CATSPERD: variants seen among roughly 807,000 people sequenced by gnomAD.
CATSPERD encodes cation channel sperm-associated auxiliary subunit delta.
A neutral mutation model predicts 98.1 loss-of-function variants in CATSPERD; 86 were observed. That is an observed-to-expected ratio of 0.88 (90% CI 0.74 to 1.05). The LOEUF (loss-of-function observed/expected upper bound fraction) is 1.05, where lower values mean the gene tolerates loss of function less well. CATSPERD is among the 50% of genes least tolerant of loss of function. The pLI is 0.00. For synonymous variants in CATSPERD, 394 were observed against 390.2 expected (o/e 1.01, Z -0.12); for missense variants, 995 against 1,005.7 (o/e 0.99, Z 0.14).
intron 17 of CATSPERD, among the ~76,000 whole-genome samples, chr19:5,767,523 T>A (rs532214788): frequency 2.6e-5 from 4 of 151,392 alleles, no homozygotes; most frequent in African/African-American, 9.7e-5. Flanking sequence ...AGTCTTGCTC[T>A]GTCGCCCAGG....
Position 5,729,876 on chromosome 19 carries a change from C to T in CATSPERD, c.208C>T (p.Gln70Ter), listed in dbSNP as rs752771602. 6.4e-7 allele frequency: 1 copy of T among 1,572,332 alleles called. No individual in the cohort carries two copies. Among genetic ancestry groups the T allele is most frequent in the South Asian group, 1.2e-5 (1 of 86,908 alleles). Residue 70 changes from glutamine to a stop codon, truncating the protein, a stop_gained, in exon 4 of 22, where the codon CAA (glutamine) becomes TAA (stop). Transcript: ENST00000381624. LOFTEE classifies it high-confidence loss of function. Reference sequence around the variant, plus strand: ...CTTATTTATTGTTTATTTCAGGAAACAAGTTTTTTTCACAATGGATAACTT... The same window carrying T: ...CTTATTTATTGTTTATTTCAGGAAATAAGTTTTTTTCACAATGGATAACTT... The part of the protein sequence containing the change: ...EKNIALYLGK[Q>*]VFFTMDNFET...
intron 7 of CATSPERD, among the ~76,000 whole-genome samples, chr19:5,742,121 T>TGTGTGTGC (rs1193593584): frequency 6.7e-6 from 1 of 150,336 alleles, no homozygotes; most frequent in Non-Finnish European, 1.5e-5. Flanking sequence ...AAATAGCGTT[T>TGTGTGTGC]GTGTGTGCGT....
At chr19:5,747,351 A>G (rs753591186) in intron 9 of CATSPERD, among the ~76,000 whole-genome samples, 9 of 151,044 alleles carry the variant, frequency 6.0e-5, no homozygotes, top group Non-Finnish European at 1.3e-4. Flanking sequence ...TATTTTTTGT[A>G]GAGACGGGGT....
intron 15 of CATSPERD, among the ~76,000 whole-genome samples, chr19:5,762,873 A>G (rs1271249334): frequency 6.7e-6 from 1 of 150,220 alleles, no homozygotes; most frequent in Admixed American, 6.7e-5. Context: ...GGTGGATGGA[A>G]TGGATGGATA....
In CATSPERD at chr19:5,751,662, A is replaced by C. The variant is rs772180116; in HGVS notation, c.1003A>C (p.Ile335Leu). 1 of 1,598,002 alleles carries C rather than the reference A, an allele frequency of 6.3e-7. No individual in the cohort carries two copies. Among genetic ancestry groups the C allele is most frequent in the Non-Finnish European group, 8.5e-7 (1 of 1,170,360 alleles). ...TTCTTCTTAGTTTGCAGACCAATAC[A>C]TCTGGTCAGAAGACGTGGCCCTGAT... ...SSIIKFADQY[I>L]WSEDVALMFR... is the part of the protein sequence containing the mutation. The change falls in exon 12 of 22, where the codon ATC (isoleucine) becomes CTC (leucine). Residue 335 changes from isoleucine to leucine, a missense_variant. Transcript: ENST00000381624.
chr19:5,765,836 G>A (rs1171189800), intron 16 of CATSPERD, among the ~76,000 whole-genome samples: 1 of 151,888 alleles, frequency 6.6e-6, no homozygotes, highest in Non-Finnish European at 1.5e-5. Flanking sequence ...TTAATTAAAA[G>A]AAAAAGTTAA....
chr19:5,763,375 G>GGCGACCA, intron 16 of CATSPERD, 82 bp downstream of exon 16: 1 of 1,127,392 alleles, frequency 8.9e-7, no homozygotes, highest in Admixed American at 1.8e-5. Context: ...GTTGCAATGA[G>GGCGACCA]CTGAGATAGT....
rs151289026 is a variant in CATSPERD, at chr19:5,775,303, G to A, written c.1942-858G>A. The A allele has an allele frequency of 3.5e-3, 1,651 of 471,062 alleles. 3 individuals carry two copies. The highest frequency in any genetic ancestry group is 4.7e-3 in the Non-Finnish European group (1,062 of 226,896). The allele number at this position is 471,062 out of a possible 1,614,324, so 29.2% of individuals were successfully genotyped here. A position where few individuals can be genotyped will look rare whatever the true frequency, so the allele number is the denominator to read the frequency against. Reference sequence around the variant, plus strand: ...TCCCCGCTTCTAGTGAGTAAAGGCAGTCCCTCAAGCTTCCACAGACCTGCG... The same window carrying A: ...TCCCCGCTTCTAGTGAGTAAAGGCAATCCCTCAAGCTTCCACAGACCTGCG... On this transcript the variant is annotated intron_variant, in intron 20 of 21. Coordinates refer to ENST00000381624, the MANE Select transcript of CATSPERD (RefSeq NM_152784.4).
At chr19:5,778,274 C>A in intron 21 of CATSPERD, 102 bp from the exon 22 acceptor site, 1 of 1,012,416 alleles carries the variant, frequency 9.9e-7, no homozygotes, top group Non-Finnish European at 1.5e-6. Context: ...CTGCTGTGGG[C>A]CTGGTTCTCC....
rs1223677117 is a variant in CATSPERD, at chr19:5,727,353, C to A, written c.203+9C>A. On this transcript the variant is annotated intron_variant, in intron 3 of 21. Transcript: ENST00000381624. ...ATAGCACTATATCTAGGGTAAGTGG[C>A]AATTTTATGTACTGTTACCTTCCTT... The A allele has an allele frequency of 6.4e-7, 1 of 1,560,128 alleles. No homozygotes were observed. The highest frequency in any genetic ancestry group is 1.7e-5 in the Admixed American group (1 of 59,766).
chr19:5,768,276 C>T, intron 18 of CATSPERD, 34 bp downstream of exon 18: 1 of 1,582,390 alleles, frequency 6.3e-7, no homozygotes, highest in African/African-American at 1.3e-5. Flanking sequence ...ACCTGACACC[C>T]AAGGCGACCA....
At chr19:5,732,936 T>C (rs1292800004) in intron 4 of CATSPERD, among the ~76,000 whole-genome samples, 2 of 151,892 alleles carry the variant, frequency 1.3e-5, no homozygotes, top group Non-Finnish European at 2.9e-5. Context: ...CTTGGCTTCC[T>C]GAAGTGTTGG....
At position 5,733,982 on chromosome 19, in the gene CATSPERD, T is replaced by A; in HGVS notation, c.391+12T>A. 1 of 1,538,252 alleles carries A rather than the reference T, an allele frequency of 6.5e-7. No homozygotes were observed. ...GAGCATGTCTTTAGGTATGTACATT[T>A]TGTATTTTTAAATTTTGTTTGAGTG... On this transcript the variant is annotated intron_variant, in intron 5 of 21. Transcript: ENST00000381624.
rs73920050 is a variant in CATSPERD, at chr19:5,724,745, G to A, written c.72-63G>A. 5.1e-5 allele frequency: 78 copies of A among 1,519,280 alleles called. No individual in the cohort carries two copies. In the African/African-American group the frequency reaches 1.0e-3, roughly 19 times the overall value. The allele number at this position is 1,519,280 out of a possible 1,614,324, so 94.1% of individuals were successfully genotyped here. A position where few individuals can be genotyped will look rare whatever the true frequency, so the allele number is the denominator to read the frequency against. ...TTAGGGTTAACCCTGAGTTGGCTGA[G>A]TAGGAGGATTCATGCTGAATATTCA... On this transcript the variant is annotated intron_variant, in intron 1 of 21. Coordinates refer to ENST00000381624, the MANE Select transcript of CATSPERD (RefSeq NM_152784.4).
chr19:5,759,002 AC>A (rs1434198127), intron 14 of CATSPERD, 83 bp from the exon 15 acceptor site: 21 of 1,219,968 alleles, frequency 1.7e-5, no homozygotes, highest in Non-Finnish European at 2.2e-5. Flanking sequence ...CCCCTCCAAC[AC>A]CCCATCTCTC....
chr19:5,763,358 C>A, intron 16 of CATSPERD, 65 bp downstream of exon 16: 2 of 1,365,614 alleles, frequency 1.5e-6, no homozygotes, highest in Non-Finnish European at 2.1e-6. Context: ...TGGAAGCTGG[C>A]CCTGAGGTTG....
chr19:5,746,033 G>C lies in CATSPERD; in HGVS notation c.778G>C (p.Glu260Gln), dbSNP rs373521530. 6.2e-6 allele frequency: 10 copies of C among 1,614,136 alleles called. No homozygotes were observed. The highest frequency in any genetic ancestry group is 8.5e-6 in the Non-Finnish European group (10 of 1,180,028). Residue 260 changes from glutamate to glutamine, a missense_variant, in exon 9 of 22, where the codon GAG becomes CAG. Physicochemically the swap from Glu to Gln is conservative, Grantham distance 29. This residue lies in a region of CATSPERD where 762 missense variants were observed against 773.7 expected (regional missense o/e 0.98). Coordinates refer to ENST00000381624, the MANE Select transcript of CATSPERD (RefSeq NM_152784.4). Reference protein sequence around the residue: ...GQRGILLLWFENSLLFSHNAG... With the variant: ...GQRGILLLWFQNSLLFSHNAG... ...GAGAGGCATCCTGCTCCTATGGTTT[G>C]AGAACAGCCTGTTGTTTTCCCATAA... is the stretch of plus-strand genomic sequence containing the variant.
At chr19:5,749,333 A>G in intron 11 of CATSPERD, 150 bp downstream of exon 11, 1 of 439,256 alleles carries the variant, frequency 2.3e-6, no homozygotes, top group South Asian at 2.7e-5. Context: ...CTCTACTAAA[A>G]ATACAAAAAT....
chr19:5,732,703 C>T (rs984385254), intron 4 of CATSPERD, among the ~76,000 whole-genome samples: 3 of 150,970 alleles, frequency 2.0e-5, no homozygotes, highest in Non-Finnish European at 4.4e-5. Context: ...TTTTTGAGAC[C>T]GAGTCTCTGT....
Sources: allele counts gnomAD v4.1 joint callset (sites outside exome capture counted in the v4.1 genomes callset), GRCh38; gene constraint gnomAD v4.1.1; regional missense constraint gnomAD v4.1.1; transcripts MANE v1.5; gene names NCBI Gene and HGNC (gene_info 2026-07-23, HGNC 2026-07-21).